The following FAM135A variants were observed in gnomAD, a reference collection of about 807,000 sequenced individuals.
FAM135A encodes protein FAM135A.
In FAM135A, 79 loss-of-function variants were observed where a neutral mutation model predicts 146.8. That is an observed-to-expected ratio of 0.54 (90% CI 0.45 to 0.65). FAM135A has a LOEUF of 0.65. FAM135A is among the 30% of genes least tolerant of loss of function. The pLI, the probability that FAM135A is intolerant of heterozygous loss-of-function variation, is 0.00. For missense variants in FAM135A, 1,623 were observed against 1,758.2 expected (o/e 0.92, Z 1.38); for synonymous variants, 562 against 603.6 (o/e 0.93, Z 1.01).
In FAM135A at chr6:70,528,352, A is replaced by T. The variant is rs1795123253; in HGVS notation, c.3675A>T (p.Glu1225Asp). Residue 1225 changes from glutamate to aspartate, a missense_variant, in exon 16 of 22, where the codon GAA becomes GAT. Around this residue, in one of 7 missense-constraint regions of FAM135A, gnomAD observed 1,061 missense variants for 1,113.8 expected, o/e 0.95. Coordinates refer to ENST00000418814, the MANE Select transcript of FAM135A (RefSeq NM_001162529.3). Reference protein sequence around the residue: ...LLKLPGFMYSEVPLLASSVPY... With the variant: ...LLKLPGFMYSDVPLLASSVPY... ...AACTTCCTGGGTTCATGTACAGTGA[A>T]GTTCCTCTGCTGGCATCCTCAGTAC... is the stretch of plus-strand genomic sequence containing the variant. 1 of 1,613,606 alleles carries T rather than the reference A, an allele frequency of 6.2e-7. No individual in the cohort carries two copies. Among genetic ancestry groups the T allele is most frequent in the Non-Finnish European group, 8.5e-7 (1 of 1,179,814 alleles).
intron 4 of FAM135A, among the ~76,000 whole-genome samples, chr6:70,435,783 A>G (rs1772971537): frequency 6.6e-6 from 1 of 152,226 alleles, no homozygotes; most frequent in Admixed American, 6.5e-5. Flanking sequence ...AAGGACTATC[A>G]GCTAAGAGTC....
intron 15 of FAM135A, among the ~76,000 whole-genome samples, chr6:70,527,183 A>C (rs1410670112): frequency 6.6e-6 from 1 of 152,062 alleles, no homozygotes; most frequent in Non-Finnish European, 1.5e-5. Context: ...TCTTGAACTT[A>C]CCAGATGCTG....
chr6:70,462,140 G>A (rs1181545589), intron 5 of FAM135A, among the ~76,000 whole-genome samples: 2 of 152,074 alleles, frequency 1.3e-5, no homozygotes, highest in African/African-American at 4.8e-5. Flanking sequence ...TGTGTAGACA[G>A]GTTAGTTGAA....
Position 70,524,454 on chromosome 6 carries a change from T to C in FAM135A, c.1370T>C (p.Leu457Ser), listed in dbSNP as rs1794271947. Residue 457 changes from leucine (L) to serine (S), a missense_variant, in exon 15 of 22, where the codon TTG (leucine) becomes TCG (serine). Physicochemically the swap from Leu to Ser is moderately radical, Grantham distance 145. Coordinates refer to ENST00000418814, the MANE Select transcript of FAM135A (RefSeq NM_001162529.3). ...GTAGCAGGACTTTCTAGCCCAGAGT[T>C]GAAAGTCAGACCTGCTGGTGCCTCC... is the stretch of plus-strand genomic sequence containing the variant. ...SSVAGLSSPE[L>S]KVRPAGASSI... is the part of the protein sequence containing the mutation. 6.5e-7 allele frequency: 1 copy of C among 1,550,132 alleles called. No individual in the cohort carries two copies. The highest frequency in any genetic ancestry group is 1.4e-5 in the African/African-American group (1 of 72,952).
At position 70,480,923 on chromosome 6, in the gene FAM135A, A is replaced by G; in HGVS notation, c.565A>G (p.Thr189Ala). Reference sequence around the variant, plus strand: ...CAGCTTTCCTCGCCCTGTGAAGACAACTTGGTTAAATAGAAATGCACCAGC... The same window carrying G: ...CAGCTTTCCTCGCCCTGTGAAGACAGCTTGGTTAAATAGAAATGCACCAGC... ...LISFPRPVKT[T>A]WLNRNAPAQN... Residue 189 changes from threonine to alanine, a missense_variant, in exon 9 of 22, where the codon ACT becomes GCT. By Grantham distance (58) the Thr-to-Ala change is moderately conservative. Transcript: ENST00000418814. 1.2e-6 allele frequency: 2 copies of G among 1,611,796 alleles called. No homozygotes were observed. The highest frequency in any genetic ancestry group is 1.7e-6 in the Non-Finnish European group (2 of 1,179,076).
intron 5 of FAM135A, among the ~76,000 whole-genome samples, chr6:70,468,119 A>C (rs1412547616): frequency 6.6e-6 from 1 of 152,188 alleles, no homozygotes; most frequent in Non-Finnish European, 1.5e-5. Context: ...TAGATTCCCC[A>C]TGTCAAGAAC....
In FAM135A at chr6:70,475,784, G is replaced by A. The variant is rs763836263; in HGVS notation, c.368+51G>A. On this transcript the variant is annotated intron_variant, in intron 7 of 21. Coordinates refer to ENST00000418814, the MANE Select transcript of FAM135A (RefSeq NM_001162529.3). The stretch of plus-strand genomic sequence containing the variant: ...CTTTAGGCACTTATGACTGTTATTT[G>A]TTATTATTAGATTGCCCATTTTCCT... The A allele has an allele frequency of 9.4e-6, 13 of 1,379,938 alleles. No individual in the cohort carries two copies. In the Admixed American group the frequency reaches 1.6e-4, roughly 17 times the overall value. The allele number at this position is 1,379,938 out of a possible 1,614,324, so 85.5% of individuals were successfully genotyped here. A position where few individuals can be genotyped will look rare whatever the true frequency, so the allele number is the denominator to read the frequency against.
intron 16 of FAM135A, 94 bp from the exon 17 acceptor site, chr6:70,533,066 T>C: frequency 1.0e-6 from 1 of 968,408 alleles, no homozygotes; most frequent in Non-Finnish European, 1.6e-6. Context: ...GCATAGGCCA[T>C]AAGCTTGTCT....
chr6:70,432,619 A>G lies in FAM135A; in HGVS notation c.77+4200A>G, dbSNP rs538795317. Among the ~76,000 whole-genome samples, 9 of 152,270 alleles carry G rather than the reference A, an allele frequency of 5.9e-5. No homozygotes were observed. The South Asian group carries it at 1.9e-3, about 32-fold the overall frequency. ...TGTGTTTTACTTAACAGAGTATGGG[A>G]AATAAATAAGGTATGAAATAAGAAC... On this transcript the variant is annotated intron_variant, in intron 4 of 21. Coordinates refer to ENST00000418814, the MANE Select transcript of FAM135A (RefSeq NM_001162529.3).
intron 10 of FAM135A, among the ~76,000 whole-genome samples, chr6:70,483,271 A>G (rs1456945361): frequency 6.6e-6 from 1 of 152,216 alleles, no homozygotes; most frequent in Non-Finnish European, 1.5e-5. Context: ...ACACTTCTTG[A>G]CTAGACATAG....
intron 3 of FAM135A, 85 bp from the exon 4 acceptor site, chr6:70,428,219 T>C (rs1770653745): frequency 1.6e-6 from 1 of 614,992 alleles, no homozygotes; most frequent in East Asian, 3.0e-5. Context: ...TGTGTCATAT[T>C]CTAAAATATG....
chr6:70,442,239 GTTTT>G (rs1264461872), intron 4 of FAM135A, among the ~76,000 whole-genome samples: 2 of 125,962 alleles, frequency 1.6e-5, no homozygotes, highest in East Asian at 2.4e-4. Context: ...TTCTTCATGG[GTTTT>G]TTTTTTTTTT....
At position 70,560,572 on chromosome 6, in the gene FAM135A, A is replaced by G. The variant is rs1444439965; in HGVS notation, c.*651A>G. ...TGGTGATTTCAACATTATTTCTCAT[A>G]CTGACTTTTATTACTGGAAATGTTC... On this transcript the variant is annotated 3_prime_UTR_variant, in exon 22 of 22. Coordinates refer to ENST00000418814, the MANE Select transcript of FAM135A (RefSeq NM_001162529.3). The G allele has an allele frequency of 1.3e-5, 2 of 152,516 alleles. No homozygotes were observed. Among genetic ancestry groups the G allele is most frequent in the East Asian group, 3.8e-4 (2 of 5,204 alleles). The allele number at this position is 152,516 out of a possible 1,614,324, so 9.4% of individuals were successfully genotyped here.
intron 4 of FAM135A, among the ~76,000 whole-genome samples, chr6:70,435,356 C>T (rs894837212): frequency 4.6e-5 from 7 of 151,960 alleles, no homozygotes; most frequent in Admixed American, 6.6e-5. Context: ...CCGCCCTCCT[C>T]GGCCTCCCAA....
At chr6:70,495,084 T>C (rs1470418051) in intron 11 of FAM135A, among the ~76,000 whole-genome samples, 1 of 152,206 alleles carries the variant, frequency 6.6e-6, no homozygotes, top group Non-Finnish European at 1.5e-5. Context: ...TCATTTCTGC[T>C]ACATTTATAA....
chr6:70,481,988 G>A lies in FAM135A; in HGVS notation c.670-13G>A, dbSNP rs1554283883. ...TACTGACACTCTGTATCCTACATCT[G>A]TTTTTTGTTTAGGGTTGTAGCTTCA... On this transcript the variant is annotated splice_polypyrimidine_tract_variant and intron_variant, in intron 9 of 21. Coordinates refer to ENST00000418814, the MANE Select transcript of FAM135A (RefSeq NM_001162529.3). 2 of 1,606,776 alleles carry A rather than the reference G, an allele frequency of 1.2e-6. No individual in the cohort carries two copies. Among genetic ancestry groups the A allele is most frequent in the Non-Finnish European group, 1.7e-6 (2 of 1,176,524 alleles).
chr6:70,463,425 A>AAT (rs1779799753), intron 5 of FAM135A, among the ~76,000 whole-genome samples: 1 of 151,604 alleles, frequency 6.6e-6, no homozygotes, highest in Non-Finnish European at 1.5e-5. Context: ...TAATTAAAAA[A>AAT]AAAAAAAAAA....
intron 4 of FAM135A, among the ~76,000 whole-genome samples, chr6:70,433,602 G>A (rs568386591): frequency 2.8e-4 from 42 of 151,704 alleles, no homozygotes; most frequent in African/African-American, 9.0e-4. Flanking sequence ...GCTTGTCCAC[G>A]CGTTTGTGGT....
chr6:70,533,609 A>G (rs1375039282), intron 17 of FAM135A, 148 bp from the exon 18 acceptor site: 1 of 581,342 alleles, frequency 1.7e-6, no homozygotes, highest in East Asian at 3.3e-5. Flanking sequence ...TCGTTTTAAG[A>G]TAAAAAAATT....
Sources: gnomAD v4.1 joint callset for allele counts (sites outside exome capture counted in the v4.1 genomes callset) on GRCh38, gnomAD v4.1.1 for gene constraint, gnomAD v4.1.1 regional missense constraint, MANE v1.5 for transcripts, NCBI Gene and HGNC (gene_info 2026-07-23, HGNC 2026-07-21) for gene names.